Variants in CA8 observed in about 807,000 individuals in gnomAD.
CA8 encodes carbonic anhydrase-related protein.
Under a neutral mutation model 41.4 loss-of-function variants are expected in CA8, and 22 were observed. That is an observed-to-expected ratio of 0.53 (90% CI 0.38 to 0.76). The LOEUF is 0.76. Ranked by LOEUF, CA8 falls within the 30% of genes least tolerant of loss-of-function variation. The probability of loss-of-function intolerance (pLI) is 0.00; values close to 1 mark genes in which losing one functional copy is unlikely to be tolerated. For synonymous variants in CA8, 121 were observed against 130.6 expected, an observed-to-expected ratio of 0.93 and a Z score of 0.50; for missense variants, 270 against 352.8, an observed-to-expected ratio of 0.77 and a Z score of 1.88.
intron 7 of CA8, among the ~76,000 whole-genome samples, chr8:60,213,366 T>C (rs1173958212): frequency 6.6e-6 from 1 of 152,168 alleles, no homozygotes; most frequent in Middle Eastern, 3.2e-3. Context: ...TACTAAAGAA[T>C]TACAGATTAG....
chr8:60,230,980 ATTC>A lies in CA8; in HGVS notation c.513+1301_513+1303del, dbSNP rs148632843. Among the ~76,000 whole-genome samples the A allele has an allele frequency of 1.8e-3, 273 of 152,250 alleles. 3 individuals carry two copies. Among genetic ancestry groups the A allele is most frequent in the Middle Eastern group, 6.8e-3 (2 of 294 alleles). ...TATATATGAATATGTGGTTATTTGT[ATTC>A]TTATTTTTATTTTATTATTTTTTAT... On this transcript the variant is annotated intron_variant, in intron 4 of 8. Transcript: ENST00000317995.
At chr8:60,260,276 C>T (rs183285680) in intron 3 of CA8, among the ~76,000 whole-genome samples, 3 of 152,160 alleles carry the variant, frequency 2.0e-5, no homozygotes, top group Admixed American at 6.5e-5. Flanking sequence ...AAATCCACCA[C>T]CCCTTCGACC....
intron 4 of CA8, among the ~76,000 whole-genome samples, chr8:60,232,075 T>C (rs948221740): frequency 6.6e-6 from 1 of 152,096 alleles, no homozygotes; most frequent in Admixed American, 6.5e-5. Flanking sequence ...CTGAAGAAAA[T>C]TTCTAATAAA....
chr8:60,251,984 C>A (rs1302467045), intron 3 of CA8, among the ~76,000 whole-genome samples: 2 of 152,112 alleles, frequency 1.3e-5, no homozygotes, highest in African/African-American at 4.8e-5. Context: ...GCTTTCACAT[C>A]AATAAGTTAA....
intron 2 of CA8, among the ~76,000 whole-genome samples, chr8:60,278,829 T>C (rs565879330): frequency 8.7e-4 from 132 of 152,356 alleles, no homozygotes; most frequent in African/African-American, 3.1e-3. Flanking sequence ...GTTTGAGGTA[T>C]CAACTTTATC....
At chr8:60,229,215 C>T (rs965195791) in intron 4 of CA8, among the ~76,000 whole-genome samples, 2 of 152,086 alleles carry the variant, frequency 1.3e-5, no homozygotes, top group African/African-American at 2.4e-5. Context: ...CCACTGCACC[C>T]TCTAGAACAG....
At chr8:60,269,276 C>G (rs1176396497) in intron 2 of CA8, among the ~76,000 whole-genome samples, 1 of 152,074 alleles carries the variant, frequency 6.6e-6, no homozygotes, top group Non-Finnish European at 1.5e-5. Flanking sequence ...GAAGGGGTAG[C>G]CTTTTCCTAC....
chr8:60,225,257 G>C (rs1464903547), intron 5 of CA8, among the ~76,000 whole-genome samples: 2 of 152,106 alleles, frequency 1.3e-5, no homozygotes, highest in Admixed American at 6.5e-5. Flanking sequence ...GAGGAAAATA[G>C]TCCTGTCATG....
At chr8:60,215,904 G>C (rs1408160211) in intron 7 of CA8, among the ~76,000 whole-genome samples, 1 of 152,106 alleles carries the variant, frequency 6.6e-6, no homozygotes, top group Non-Finnish European at 1.5e-5. Flanking sequence ...TTATCCTATG[G>C]CAGGTGATGC....
chr8:60,211,325 C>A (rs1261437269), intron 7 of CA8, among the ~76,000 whole-genome samples: 2 of 152,142 alleles, frequency 1.3e-5, no homozygotes, highest in African/African-American at 4.8e-5. Context: ...GTTGTATATG[C>A]AGAAAGTATT....
intron 1 of CA8, among the ~76,000 whole-genome samples, chr8:60,280,711 G>A (rs1804385692): frequency 6.6e-6 from 1 of 152,234 alleles, no homozygotes; most frequent in Non-Finnish European, 1.5e-5. Flanking sequence ...AAAATGTACC[G>A]CTGCTCTTCT....
At chr8:60,271,437 G>T (rs1376836099) in intron 2 of CA8, among the ~76,000 whole-genome samples, 1 of 152,142 alleles carries the variant, frequency 6.6e-6, no homozygotes, top group East Asian at 1.9e-4. Context: ...CTTCTTCAGT[G>T]AAAATAATTT....
intron 4 of CA8, among the ~76,000 whole-genome samples, chr8:60,228,879 C>T (rs1807537945): frequency 6.6e-6 from 1 of 152,176 alleles, no homozygotes; most frequent in Admixed American, 6.5e-5. Context: ...ATTCTATAAA[C>T]TCTGCTATTA....
chr8:60,199,771 A>T (rs1200519277), intron 8 of CA8, among the ~76,000 whole-genome samples: 6 of 152,194 alleles, frequency 3.9e-5, no homozygotes, highest in Non-Finnish European at 7.3e-5. Context: ...TATGTAATGA[A>T]AACAAGTTTT....
chr8:60,271,628 A>G (rs1804076850), intron 2 of CA8, among the ~76,000 whole-genome samples: 2 of 152,208 alleles, frequency 1.3e-5, no homozygotes, highest in South Asian at 4.1e-4. Flanking sequence ...TTTCTATAAT[A>G]AGAAACAGTG....
intron 3 of CA8, among the ~76,000 whole-genome samples, chr8:60,256,926 ACT>A (rs1210463136): frequency 6.6e-6 from 1 of 151,364 alleles, no homozygotes; most frequent in African/African-American, 2.4e-5. Flanking sequence ...CTCCATTCAT[ACT>A]CTCTGCATTT....
At chr8:60,217,366 A>T (rs1038133476) in intron 7 of CA8, among the ~76,000 whole-genome samples, 2 of 152,158 alleles carry the variant, frequency 1.3e-5, no homozygotes, top group Non-Finnish European at 2.9e-5. Context: ...GTGTGTGCAG[A>T]ATCTGACACT....
chr8:60,272,695 A>G (rs1804109740), intron 2 of CA8, among the ~76,000 whole-genome samples: 2 of 152,204 alleles, frequency 1.3e-5, no homozygotes, highest in Non-Finnish European at 2.9e-5. Context: ...ATTTCCACCA[A>G]AAATAATCTC....
intron 3 of CA8, among the ~76,000 whole-genome samples, chr8:60,241,047 C>A (rs558219959): frequency 2.0e-5 from 3 of 152,280 alleles, no homozygotes; most frequent in African/African-American, 7.2e-5. Context: ...AGAGAAAGCA[C>A]CATCTCTTTC....
Sources: allele counts gnomAD v4.1 joint callset (sites outside exome capture counted in the v4.1 genomes callset), GRCh38; gene constraint gnomAD v4.1.1; transcripts MANE v1.5; gene names NCBI Gene and HGNC (gene_info 2026-07-23, HGNC 2026-07-21).